AGO4: variants seen among roughly 807,000 people sequenced by gnomAD.
AGO4 encodes protein argonaute-4.
In AGO4, 33 loss-of-function variants were observed where a neutral mutation model predicts 104.7. That is an observed-to-expected ratio of 0.32 (90% CI 0.24 to 0.42). AGO4 has a LOEUF of 0.42. AGO4 is among the 10% of genes least tolerant of loss of function. AGO4 has a pLI of 1.00. For missense variants in AGO4, 711 were observed against 1,083.4 expected (o/e 0.66, Z 4.83); for synonymous variants, 331 against 364.7 (o/e 0.91, Z 1.05).
rs187327634 is a variant in AGO4, at chr1:35,836,456, T to C, written c.1724+463T>C. ...CTATTGATCACTCTGTCCCCCAAGG[T>C]TGGAGTGCAGTGATGCGATCTCGGC... is the stretch of plus-strand genomic sequence containing the variant. On this transcript the variant is annotated intron_variant, in intron 13 of 17. Transcript: ENST00000373210. 1.4e-3 allele frequency among the ~76,000 whole-genome samples: 213 copies of C among 152,336 alleles called. 2 individuals are homozygous for C. Among genetic ancestry groups the C allele is most frequent in the African/African-American group, 5.0e-3 (206 of 41,582 alleles).
intron 2 of AGO4, among the ~76,000 whole-genome samples, chr1:35,819,848 G>A (rs1043486863): frequency 6.6e-6 from 1 of 151,508 alleles, no homozygotes; most frequent in African/African-American, 2.4e-5. Context: ...GTTGGATTCA[G>A]GGAACAGTTC....
chr1:35,832,784 T>C (rs1001909925), intron 11 of AGO4, among the ~76,000 whole-genome samples: 1 of 152,156 alleles, frequency 6.6e-6, no homozygotes, highest in African/African-American at 2.4e-5. Context: ...GAGCAGAAAT[T>C]TGTGAGTAAC....
chr1:35,852,636 G>A (rs1256966773), intron 17 of AGO4, among the ~76,000 whole-genome samples: 4 of 152,156 alleles, frequency 2.6e-5, no homozygotes, highest in African/African-American at 9.7e-5. Flanking sequence ...AGGATACAGT[G>A]GTGAGCAAGG....
chr1:35,827,193 C>G (rs1215627793), intron 7 of AGO4, among the ~76,000 whole-genome samples: 1 of 150,254 alleles, frequency 6.7e-6, no homozygotes, highest in African/African-American at 2.5e-5. Context: ...AGAGCAAGAC[C>G]CTGTCTCAAA....
intron 1 of AGO4, among the ~76,000 whole-genome samples, chr1:35,810,782 A>AT (rs1279561875): frequency 2.6e-5 from 4 of 152,274 alleles, no homozygotes; most frequent in African/African-American, 9.6e-5. Context: ...CTATGTTGTC[A>AT]TATCAGTTGC....
intron 13 of AGO4, 102 bp downstream of exon 13, chr1:35,836,095 CT>C: frequency 3.9e-6 from 5 of 1,281,984 alleles, no homozygotes; most frequent in Non-Finnish European, 5.4e-6. Flanking sequence ...TACCTTTTCT[CT>C]TGTATATATA....
intron 15 of AGO4, among the ~76,000 whole-genome samples, chr1:35,843,327 A>G (rs1264171670): frequency 6.6e-6 from 1 of 152,042 alleles, no homozygotes; most frequent in Non-Finnish European, 1.5e-5. Context: ...CGGCCTCCCA[A>G]AGTGCTGGGA....
intron 3 of AGO4, among the ~76,000 whole-genome samples, chr1:35,823,506 A>C (rs1643933798): frequency 6.6e-6 from 1 of 152,118 alleles, no homozygotes; most frequent in African/African-American, 2.4e-5. Context: ...GCGCAGTGCA[A>C]CTTCCACTTC....
At chr1:35,830,908 A>T (rs1171352272) in intron 7 of AGO4, among the ~76,000 whole-genome samples, 1 of 148,696 alleles carries the variant, frequency 6.7e-6, no homozygotes, top group African/African-American at 2.5e-5. Flanking sequence ...GGAGATGGAG[A>T]TTGCAGTGAA....
intron 13 of AGO4, 23 bp downstream of exon 13, chr1:35,836,016 C>G: frequency 1.2e-6 from 2 of 1,604,180 alleles, no homozygotes; most frequent in Non-Finnish European, 1.7e-6. Flanking sequence ...ATGCTTTCCC[C>G]ACTTTTGTTT....
At chr1:35,853,273 T>C (rs1394783411) in intron 17 of AGO4, among the ~76,000 whole-genome samples, 1 of 143,338 alleles carries the variant, frequency 7.0e-6, no homozygotes, top group Non-Finnish European at 1.5e-5. Context: ...AAAAAAGAAA[T>C]TCAGTTGAGT....
intron 2 of AGO4, among the ~76,000 whole-genome samples, chr1:35,819,505 G>A (rs927673187): frequency 1.3e-5 from 2 of 151,812 alleles, no homozygotes; most frequent in East Asian, 3.9e-4. Context: ...CGAGGTGGGT[G>A]GATCACGAGG....
At chr1:35,839,066 C>T (rs973842033) in intron 13 of AGO4, among the ~76,000 whole-genome samples, 7 of 152,002 alleles carry the variant, frequency 4.6e-5, no homozygotes, top group Admixed American at 2.6e-4. Flanking sequence ...CTGCAAACTC[C>T]GCCTCCCAGG....
At chr1:35,852,925 T>A (rs1644736250) in intron 17 of AGO4, among the ~76,000 whole-genome samples, 1 of 152,164 alleles carries the variant, frequency 6.6e-6, no homozygotes, top group Non-Finnish European at 1.5e-5. Flanking sequence ...TTGCAGACAT[T>A]ATATTATTTA....
At chr1:35,833,880 T>C (rs185485485) in intron 11 of AGO4, 110 bp from the exon 12 acceptor site, 5 of 994,116 alleles carry the variant, frequency 5.0e-6, no homozygotes, top group Non-Finnish European at 6.7e-6. Flanking sequence ...TACTTGTTTC[T>C]AAATTTGGCT....
Position 35,832,072 on chromosome 1 carries a change from A to G in AGO4, c.1132A>G (p.Met378Val), listed in dbSNP as rs150537720. 1.6e-4 allele frequency: 266 copies of G among 1,613,210 alleles called. No homozygotes were observed. The highest frequency in any genetic ancestry group is 2.1e-4 in the Non-Finnish European group (245 of 1,179,862). ...EISRLVKSNS[M>V]VGGPDPYLKE... ...TGTTCTTTAGGTGAAGAGCAACAGT[A>G]TGGTGGGTGGACCTGATCCATACCT... The change falls in exon 10 of 18, where the codon ATG becomes GTG. Residue 378 changes from methionine to valine, a missense_variant. Coordinates refer to ENST00000373210, the MANE Select transcript of AGO4 (RefSeq NM_017629.4).
rs1233722469 is a variant in AGO4 at position 35,816,824 on chromosome 1, A to G, written c.20-58A>G. The G allele has an allele frequency of 2.0e-6, 3 of 1,476,350 alleles. No individual in the cohort carries two copies. The African/African-American group carries it at 4.4e-5, about 22-fold the overall frequency. 91.5% of individuals were successfully genotyped at this position (1,476,350 alleles called of 1,614,324 possible). ...AAAAAAAAAAAAAAAAAAAAAAAGAAAGAAAGAAAGAAAAAGAAAAAAAAA... is the reference window on the plus strand; with the variant it reads ...AAAAAAAAAAAAAAAAAAAAAAAGAGAGAAAGAAAGAAAAAGAAAAAAAAA... On this transcript the variant is annotated intron_variant, in intron 1 of 17. Transcript: ENST00000373210.
chr1:35,832,297 T>C lies in AGO4; in HGVS notation c.1245+112T>C, dbSNP rs1415184426. ...AATTTACCCATAGTTTTGTTCATTATTGCCTTTTGTGTTCTGGCTCATACC... is the reference window on the plus strand; with the variant it reads ...AATTTACCCATAGTTTTGTTCATTACTGCCTTTTGTGTTCTGGCTCATACC... On this transcript the variant is annotated intron_variant, in intron 10 of 17. Transcript: ENST00000373210. 8 of 1,533,246 alleles carry C rather than the reference T, an allele frequency of 5.2e-6. No homozygotes were observed. In the African/African-American group the frequency reaches 5.6e-5, roughly 11 times the overall value. 95.0% of individuals were successfully genotyped at this position (1,533,246 alleles called of 1,614,324 possible).
In AGO4 at chr1:35,857,159, C is replaced by T. The variant is rs1644835236; in HGVS notation, c.*3554C>T. ...TAATCCACTGTTTAACAAGGCTCACCCTCTCCACCCTGTCCTAACGACCTT... is the reference window on the plus strand; with the variant it reads ...TAATCCACTGTTTAACAAGGCTCACTCTCTCCACCCTGTCCTAACGACCTT... On this transcript the variant is annotated 3_prime_UTR_variant, in exon 18 of 18. Coordinates refer to ENST00000373210, the MANE Select transcript of AGO4 (RefSeq NM_017629.4). The T allele has an allele frequency of 6.6e-6, 1 of 152,170 alleles. No individual in the cohort carries two copies. Among genetic ancestry groups the T allele is most frequent in the Non-Finnish European group, 1.5e-5 (1 of 68,040 alleles). The allele number at this position is 152,170 out of a possible 1,614,324, so 9.4% of individuals were successfully genotyped here. A position where few individuals can be genotyped will look rare whatever the true frequency, so the allele number is the denominator to read the frequency against.
Sources: allele counts gnomAD v4.1 joint callset (sites outside exome capture counted in the v4.1 genomes callset), GRCh38; gene constraint gnomAD v4.1.1; transcripts MANE v1.5; gene names NCBI Gene and HGNC (gene_info 2026-07-23, HGNC 2026-07-21).